Variants in ERC2 observed in about 807,000 individuals in gnomAD.
ERC2 encodes ELKS/RAB6-interacting/CAST family member 2.
ERC2 carries 42 observed loss-of-function variants against 114.8 expected under a neutral mutation model. That is an observed-to-expected ratio of 0.37 (90% confidence interval 0.29 to 0.47). ERC2 has a LOEUF of 0.47. Among genes scored for constraint, ERC2 ranks in the 20% least tolerant of loss-of-function variants. The pLI, the probability that ERC2 is intolerant of heterozygous loss-of-function variation, is 0.99. For synonymous variants in ERC2, 454 were observed against 425.5 expected (o/e 1.07, Z -0.82); for missense variants, 939 against 1,150.7 (o/e 0.82, Z 2.66).
intron 6 of ERC2, among the ~76,000 whole-genome samples, chr3:56,087,736 C>T (rs1243268535): frequency 2.0e-5 from 3 of 152,104 alleles, no homozygotes; most frequent in African/African-American, 4.8e-5. Context: ...GAAACTGGAA[C>T]ACTCACAAAA....
intron 17 of ERC2, among the ~76,000 whole-genome samples, chr3:55,631,508 A>ACTC (rs1303378856): frequency 2.0e-5 from 3 of 152,122 alleles, no homozygotes; most frequent in South Asian, 4.2e-4. Context: ...CTAGTTTCAA[A>ACTC]CTCCTCCTCC....
At chr3:56,223,013 G>A (rs555409456) in intron 3 of ERC2, among the ~76,000 whole-genome samples, 35 of 152,310 alleles carry the variant, frequency 2.3e-4, no homozygotes, top group African/African-American at 7.9e-4. Context: ...GCCATCCCCA[G>A]CTGGGTGCCT....
chr3:56,122,144 G>A (rs1042903490), intron 6 of ERC2, among the ~76,000 whole-genome samples: 4 of 152,228 alleles, frequency 2.6e-5, no homozygotes, highest in African/African-American at 9.6e-5. Flanking sequence ...ATGAACTAAA[G>A]CACGGTATGT....
intron 6 of ERC2, among the ~76,000 whole-genome samples, chr3:56,088,021 C>T (rs571386184): frequency 3.9e-5 from 6 of 152,286 alleles, no homozygotes; most frequent in African/African-American, 1.2e-4. Context: ...TCACACTTCT[C>T]AGGCGCCTTT....
chr3:56,137,972 T>G (rs1323633654), intron 6 of ERC2, among the ~76,000 whole-genome samples: 1 of 151,984 alleles, frequency 6.6e-6, no homozygotes, highest in South Asian at 2.1e-4. Flanking sequence ...ATAGTATAGA[T>G]TAAATGTTTG....
intron 14 of ERC2, among the ~76,000 whole-genome samples, chr3:55,853,264 T>C (rs2061651132): frequency 6.6e-6 from 1 of 152,200 alleles, no homozygotes; most frequent in African/African-American, 2.4e-5. Context: ...TGGTGGCTCA[T>C]GCCTGTAATC....
chr3:56,154,380 G>GA (rs2149967937), intron 4 of ERC2, among the ~76,000 whole-genome samples: 1 of 152,282 alleles, frequency 6.6e-6, no homozygotes, highest in African/African-American at 2.4e-5. Context: ...TACAAGCACA[G>GA]AAAAGGTTGG....
At chr3:55,656,905 C>T (rs1284439982) in intron 17 of ERC2, among the ~76,000 whole-genome samples, 1 of 152,296 alleles carries the variant, frequency 6.6e-6, no homozygotes, top group African/African-American at 2.4e-5. Flanking sequence ...AGAATGGCAT[C>T]CTCAAAACTA....
intron 13 of ERC2, among the ~76,000 whole-genome samples, chr3:55,903,656 C>T (rs931690660): frequency 6.6e-6 from 1 of 152,156 alleles, no homozygotes; most frequent in Admixed American, 6.5e-5. Context: ...TGATGGGTCA[C>T]ATTCAGAAAC....
At chr3:56,249,578 G>A (rs568344839) in intron 3 of ERC2, among the ~76,000 whole-genome samples, 9 of 151,942 alleles carry the variant, frequency 5.9e-5, no homozygotes, top group South Asian at 2.1e-4. Context: ...TGCCAGCCTC[G>A]GCCTCCCAAA....
chr3:55,962,817 T>G (rs1459677767), intron 12 of ERC2, among the ~76,000 whole-genome samples: 1 of 152,220 alleles, frequency 6.6e-6, no homozygotes, highest in East Asian at 1.9e-4. Context: ...CAACCAACTG[T>G]GCAGAATGTT....
chr3:56,007,396 T>C, intron 9 of ERC2, 75 bp from the exon 10 acceptor site: 1 of 1,311,044 alleles, frequency 7.6e-7, no homozygotes, highest in South Asian at 1.3e-5. Flanking sequence ...AACACATTGA[T>C]TCTATACATA....
At chr3:56,277,895 C>T (rs1422155770) in intron 3 of ERC2, among the ~76,000 whole-genome samples, 1 of 152,212 alleles carries the variant, frequency 6.6e-6, no homozygotes, top group African/African-American at 2.4e-5. Flanking sequence ...CTCCGACTCT[C>T]CCACACACAA....
intron 12 of ERC2, among the ~76,000 whole-genome samples, chr3:55,966,157 T>C (rs2068736151): frequency 6.6e-6 from 1 of 152,166 alleles, no homozygotes; most frequent in Admixed American, 6.5e-5. Flanking sequence ...TAGGGTCAAA[T>C]AAGTCTTGAG....
intron 14 of ERC2, among the ~76,000 whole-genome samples, chr3:55,878,679 G>A (rs2062977118): frequency 6.6e-6 from 1 of 152,196 alleles, no homozygotes; most frequent in African/African-American, 2.4e-5. Context: ...CTCACAGGAG[G>A]TGACAGCACT....
chr3:56,105,586 G>A (rs2078610321), intron 6 of ERC2, among the ~76,000 whole-genome samples: 1 of 152,160 alleles, frequency 6.6e-6, no homozygotes, highest in Non-Finnish European at 1.5e-5. Context: ...AAAGTGTTGG[G>A]ATTATAGGTG....
At chr3:56,073,720 C>T (rs111431358) in intron 7 of ERC2, among the ~76,000 whole-genome samples, 1 of 152,162 alleles carries the variant, frequency 6.6e-6, no homozygotes, top group Admixed American at 6.5e-5. Context: ...AGTTCACCTT[C>T]GTCTAGTCCA....
In ERC2 at chr3:56,367,687, C is replaced by A. The variant is rs184053866; in HGVS notation, c.657+66664G>T. On this transcript the variant is annotated intron_variant, in intron 2 of 17. Coordinates refer to ENST00000288221, the MANE Select transcript of ERC2 (RefSeq NM_015576.3). The stretch of plus-strand genomic sequence containing the variant: ...ACTATTTATAGAAGAATCTATAATT[C>A]TTTTGAGTGCATTTGACTCAGGGTT... Among the ~76,000 whole-genome samples the A allele has an allele frequency of 1.8e-3, 277 of 152,208 alleles. 1 individual carries two copies. Among genetic ancestry groups the A allele is most frequent in the African/African-American group, 6.3e-3 (263 of 41,524 alleles).
In ERC2 at chr3:56,048,449, A is replaced by AT. The variant is rs1039857398; in HGVS notation, c.1642-29419dup. On this transcript the variant is annotated intron_variant, in intron 7 of 17. Transcript: ENST00000288221. ...CCATAGTCATCTGCCCACTACTTTA[A>AT]TTTTTTTTTAATATCTAATGTGAAT... Among the ~76,000 whole-genome samples the AT allele has an allele frequency of 3.3e-5, 5 of 151,714 alleles. No individual in the cohort carries two copies. In the East Asian group the frequency reaches 9.7e-4, roughly 29 times the overall value.
Sources: gnomAD v4.1 joint callset for allele counts (sites outside exome capture counted in the v4.1 genomes callset) on GRCh38, gnomAD v4.1.1 for gene constraint, MANE v1.5 for transcripts, NCBI Gene and HGNC (gene_info 2026-07-23, HGNC 2026-07-21) for gene names.